Variants in MAP3K15 observed in about 807,000 individuals in gnomAD.
MAP3K15 encodes mitogen-activated protein kinase kinase kinase 15.
A neutral mutation model predicts 99.5 loss-of-function variants in MAP3K15; 124 were observed. The ratio of observed to expected loss-of-function variants is 1.25; its 90% CI spans 1.08 to 1.45. The LOEUF (loss-of-function observed/expected upper bound fraction) is 1.45. MAP3K15 is among the 40% of genes most tolerant of loss of function. The pLI, the probability that MAP3K15 is intolerant of heterozygous loss-of-function variation, is 0.00. For synonymous variants in MAP3K15, 494 were observed against 439.6 expected (o/e 1.12, Z -1.55); for missense variants, 1,242 against 1,079.7 (o/e 1.15, Z -2.11).
intron 25 of MAP3K15, 148 bp downstream of exon 25, chrX:19,368,906 C>T (rs1331682170): frequency 2.5e-5 from 11 of 447,138 alleles, no homozygotes; most frequent in African/African-American, 5.3e-5. Flanking sequence ...TGAGAATATG[C>T]GCCCTTGCCT....
chrX:19,484,118 C>G (rs1248843845), intron 3 of MAP3K15, among the ~76,000 whole-genome samples: 1 of 111,726 alleles, frequency 9.0e-6, no homozygotes, highest in East Asian at 2.8e-4. Flanking sequence ...GCAGGGGTCC[C>G]CAACCCCCGG....
At chrX:19,426,971 T>G (rs1044528839) in intron 7 of MAP3K15, among the ~76,000 whole-genome samples, 1 of 109,485 alleles carries the variant, frequency 9.1e-6, no homozygotes, top group East Asian at 2.8e-4. Flanking sequence ...CAAAAGAAAT[T>G]TAAAATCAAT....
rs754987282 is a variant in MAP3K15, at chrX:19,402,058, C to T, written c.1845-1395G>A. Among the ~76,000 whole-genome samples, 269 of 110,551 alleles carry T rather than the reference C, an allele frequency of 2.4e-3. 1 individual carries two copies. Among genetic ancestry groups the T allele is most frequent in the Non-Finnish European group, 4.2e-3 (224 of 52,915 alleles). On this transcript the variant is annotated intron_variant, in intron 13 of 28. Coordinates refer to ENST00000338883, the MANE Select transcript of MAP3K15 (RefSeq NM_001001671.4). ...ATCTTAGCACTTTGGGAGACTGAAG[C>T]GGGAAGACTGCTTGAGGCCAGGAGT...
Position 19,507,763 on chromosome X carries a change from G to A in MAP3K15, c.361+7138C>T, listed in dbSNP as rs143516054. 6.7e-3 allele frequency among the ~76,000 whole-genome samples: 738 copies of A among 109,890 alleles called. 11 individuals carry two copies. The highest frequency in any genetic ancestry group is 0.023 in the African/African-American group (707 of 30,219). On this transcript the variant is annotated intron_variant, in intron 1 of 28. Coordinates refer to ENST00000338883, the MANE Select transcript of MAP3K15 (RefSeq NM_001001671.4). Reference sequence around the variant, plus strand: ...GGAGTTTGTGGGAGAGGGCAGAGGGGTTGATGGGAACACTCTGCACTTTTC... The same window carrying A: ...GGAGTTTGTGGGAGAGGGCAGAGGGATTGATGGGAACACTCTGCACTTTTC...
intron 8 of MAP3K15, among the ~76,000 whole-genome samples, chrX:19,425,894 G>A (rs1354479014): frequency 9.0e-6 from 1 of 111,397 alleles, no homozygotes; most frequent in Non-Finnish European, 1.9e-5. Flanking sequence ...TGAGGTAGGC[G>A]GATCACTTGA....
chrX:19,416,838 G>A (rs957896799), intron 9 of MAP3K15, among the ~76,000 whole-genome samples: 3 of 112,108 alleles, frequency 2.7e-5, no homozygotes, highest in Admixed American at 1.9e-4. Flanking sequence ...ATTTTCAACT[G>A]AGCCCCTAAC....
intron 9 of MAP3K15, among the ~76,000 whole-genome samples, chrX:19,420,698 C>T (rs1377774049): frequency 2.7e-5 from 3 of 111,654 alleles, no homozygotes; most frequent in East Asian, 2.8e-4. Context: ...CCAGCATCAT[C>T]CTGATACCAA....
chrX:19,414,208 G>A (rs1354054754), intron 10 of MAP3K15: 2 of 108,938 alleles, frequency 1.8e-5, no homozygotes, highest in African/African-American at 6.7e-5. Context: ...AGGAGGGAGA[G>A]AGGGAATAAA....
chrX:19,480,550 T>A (rs2064281035), intron 3 of MAP3K15, among the ~76,000 whole-genome samples: 1 of 107,439 alleles, frequency 9.3e-6, no homozygotes, highest in African/African-American at 3.4e-5. Flanking sequence ...CACGGTGGCT[T>A]GTGCCTGTAA....
At chrX:19,410,041 T>C (rs1216807974) in intron 11 of MAP3K15, 68 bp from the exon 12 acceptor site, 3 of 951,891 alleles carry the variant, frequency 3.2e-6, no homozygotes, top group Non-Finnish European at 4.5e-6. Flanking sequence ...TTTTGTTTCA[T>C]TCTATGGTCA....
chrX:19,373,238 AGAGAGAGGGGGAAGAG>A (rs1186740872), intron 21 of MAP3K15: 7 of 178,295 alleles, frequency 3.9e-5, no homozygotes, highest in Non-Finnish European at 6.6e-5. Context: ...GGTGAGGGGG[AGAGAGAGGGGGAAGAG>A]GAGAGAGGGG....
At chrX:19,475,137 G>A (rs1203442155) in intron 3 of MAP3K15, among the ~76,000 whole-genome samples, 1 of 110,970 alleles carries the variant, frequency 9.0e-6, no homozygotes, top group African/African-American at 3.3e-5. Context: ...GGACCCCTGA[G>A]ATTGTTTTCC....
At chrX:19,420,236 T>A in intron 9 of MAP3K15, among the ~76,000 whole-genome samples, 1 of 111,171 alleles carries the variant, frequency 9.0e-6, no homozygotes, top group Non-Finnish European at 1.9e-5. Context: ...TTCAAAAAAA[T>A]CAATGAATCC....
At chrX:19,375,743 G>T (rs1233841229) in intron 19 of MAP3K15, among the ~76,000 whole-genome samples, 1 of 112,462 alleles carries the variant, frequency 8.9e-6, no homozygotes, top group Non-Finnish European at 1.9e-5. Flanking sequence ...TCAGGGTGCT[G>T]CAGAGTGTAG....
Position 19,371,147 on chromosome X carries a change from C to G in MAP3K15, c.3295-83G>C, listed in dbSNP as rs1181472257. On this transcript the variant is annotated intron_variant, in intron 23 of 28. Coordinates refer to ENST00000338883, the MANE Select transcript of MAP3K15 (RefSeq NM_001001671.4). ...GCATTGCACGGAGAATCACGGCAAC[C>G]TACACTCATCCTCTTGGGGGCCGCA... 3.6e-6 allele frequency: 3 copies of G among 837,346 alleles called. No homozygotes were observed. The Admixed American group carries it at 1.1e-4, about 31-fold the overall frequency. The allele number at this position is 837,346 out of a possible 1,213,427, so 69.0% of individuals were successfully genotyped here.
intron 1 of MAP3K15, chrX:19,496,596 C>G (rs1453102703): frequency 1.8e-5 from 2 of 111,318 alleles, no homozygotes; most frequent in Non-Finnish European, 3.8e-5. Flanking sequence ...TTGATGTACT[C>G]CAGCCACACG....
intron 15 of MAP3K15, among the ~76,000 whole-genome samples, chrX:19,397,832 C>T (rs773979985): frequency 2.7e-5 from 3 of 111,178 alleles, no homozygotes; most frequent in Non-Finnish European, 5.7e-5. Context: ...AATCCCAGCA[C>T]TTTGGGAGGC....
intron 23 of MAP3K15, 129 bp downstream of exon 23, chrX:19,371,216 T>C: frequency 2.4e-6 from 2 of 840,769 alleles, no homozygotes; most frequent in South Asian, 5.3e-5. Context: ...TGGACTTCAT[T>C]GTTTAGGAGG....
intron 21 of MAP3K15, chrX:19,373,200 C>A (rs182827575): frequency 5.4e-6 from 1 of 185,150 alleles, no homozygotes; most frequent in Non-Finnish European, 9.2e-6. Flanking sequence ...AGGAGGGGGC[C>A]GGAAGATGCA....
Sources: allele counts gnomAD v4.1 joint callset (sites outside exome capture counted in the v4.1 genomes callset), GRCh38; gene constraint gnomAD v4.1.1; transcripts MANE v1.5; gene names NCBI Gene and HGNC (gene_info 2026-07-23, HGNC 2026-07-21).